Variants in TMEM150A observed in about 807,000 individuals in gnomAD.
TMEM150A encodes transmembrane protein 150A, also known as fasting-inducible integral membrane protein TM6P1.
Under a neutral mutation model 29.8 loss-of-function variants are expected in TMEM150A, and 18 were observed. That is an observed-to-expected ratio of 0.60 (90% CI 0.42 to 0.90). The LOEUF (loss-of-function observed/expected upper bound fraction) is 0.90, where lower values mean the gene tolerates loss of function less well. TMEM150A is among the 40% of genes least tolerant of loss of function. The pLI is 0.00. For synonymous variants in TMEM150A, 127 were observed against 143.6 expected, an observed-to-expected ratio of 0.88 and a Z score of 0.83; for missense variants, 251 against 349.7, an observed-to-expected ratio of 0.72 and a Z score of 2.25.
chr2:85,600,672 G>A (rs1672885119), intron 4 of TMEM150A: 3 of 555,642 alleles, frequency 5.4e-6, no homozygotes, highest in Non-Finnish European at 9.6e-6. Context: ...CCTGCGGCTG[G>A]TTTGGCTATC....
In TMEM150A at chr2:85,599,073, AC is replaced by A. The variant is rs771020430; in HGVS notation, c.*2del. Reference sequence around the variant, plus strand: ...AGGCCGGGCCAGCCACCCTCCCCAGACCTTAGATCATAGCGATGCTCTCGGG... The same window carrying A: ...AGGCCGGGCCAGCCACCCTCCCCAGACTTAGATCATAGCGATGCTCTCGGG... On this transcript the variant is annotated 3_prime_UTR_variant, in exon 8 of 8. Transcript: ENST00000334462. This position sits in a 1 kb window ranked among gnomAD's most constrained non-coding sequence, Gnocchi z 6.0. 141 of 1,609,982 alleles carry A rather than the reference AC, an allele frequency of 8.8e-5. No homozygotes were observed. The highest frequency in any genetic ancestry group is 1.2e-4 in the Non-Finnish European group (140 of 1,177,440).
chr2:85,600,475 G>A (rs1276648809), intron 4 of TMEM150A, 63 bp from the exon 5 acceptor site: 1 of 1,215,800 alleles, frequency 8.2e-7, no homozygotes, highest in Non-Finnish European at 1.2e-6. Flanking sequence ...CCCCATTTTG[G>A]CTCACTGGCT....
Position 85,601,432 on chromosome 2 carries a change from T to C in TMEM150A, c.113+3A>G, listed in dbSNP as rs1156445512. ...GCAAGGTTGTCTGCAGAGTCCTTCA[T>C]ACCAGTTCTCCACAGGGCATACATG... On this transcript the variant is annotated splice_donor_region_variant and intron_variant, in intron 3 of 7. Transcript: ENST00000334462. The surrounding 1 kb of genome is among the most constrained non-coding windows in gnomAD (Gnocchi z 4.0). The C allele has an allele frequency of 1.2e-6, 2 of 1,613,736 alleles. No individual in the cohort carries two copies. The highest frequency in any genetic ancestry group is 8.5e-7 in the Non-Finnish European group (1 of 1,179,956).
intron 4 of TMEM150A, chr2:85,600,791 C>T (rs1672890830): frequency 1.8e-6 from 1 of 560,170 alleles, no homozygotes; most frequent in Admixed American, 3.3e-5. Context: ...TGTTTCCTCA[C>T]CTATAAAATG....
Position 85,598,984 on chromosome 2 carries a change from A to T in TMEM150A, c.*92T>A, listed in dbSNP as rs1672771849. 6.5e-7 allele frequency: 1 copy of T among 1,533,460 alleles called. No individual in the cohort carries two copies. The highest frequency in any genetic ancestry group is 1.4e-5 in the African/African-American group (1 of 72,654). The allele number at this position is 1,533,460 out of a possible 1,614,324, so 95.0% of individuals were successfully genotyped here. A position where few individuals can be genotyped will look rare whatever the true frequency, so the allele number is the denominator to read the frequency against. ...GAGGAAGCCCAGATCCCAACAGAAT[A>T]CTTTCTCAAAATTGTTTTTGGTACG... is the stretch of plus-strand genomic sequence containing the variant. On this transcript the variant is annotated 3_prime_UTR_variant, in exon 8 of 8. Transcript: ENST00000334462.
In TMEM150A at chr2:85,601,173, C is replaced by T; in HGVS notation, c.114-66G>A. The T allele has an allele frequency of 6.6e-7, 1 of 1,523,082 alleles. No homozygotes were observed. Among genetic ancestry groups the T allele is most frequent in the Admixed American group, 1.9e-5 (1 of 53,908 alleles). The allele number at this position is 1,523,082 out of a possible 1,614,324, so 94.3% of individuals were successfully genotyped here. A position where few individuals can be genotyped will look rare whatever the true frequency, so the allele number is the denominator to read the frequency against. ...CCCCCAGGCCCTTGGCCTATAGCCT[C>T]AGGCCTCAAAGAGGACTCTCTCCCA... On this transcript the variant is annotated intron_variant, in intron 3 of 7. Coordinates refer to ENST00000334462, the MANE Select transcript of TMEM150A (RefSeq NM_001031738.3). The surrounding 1 kb of genome is among the most constrained non-coding windows in gnomAD (Gnocchi z 4.0).
Sources: gnomAD v4.1 joint callset for allele counts on GRCh38, gnomAD v4.1.1 for gene constraint, Gnocchi (gnomAD v3.1) non-coding constraint, MANE v1.5 for transcripts, NCBI Gene and HGNC (gene_info 2026-07-23, HGNC 2026-07-21) for gene names.